The following SRPK2 variants were observed in gnomAD, a reference collection of about 807,000 sequenced individuals.
SRPK2 encodes the protein SRSF protein kinase 2.
In SRPK2, 21 loss-of-function variants were observed where a neutral mutation model predicts 90.8. That is an observed-to-expected ratio of 0.23 (90% CI 0.16 to 0.33). The LOEUF (loss-of-function observed/expected upper bound fraction) is 0.33. Ranked by LOEUF, SRPK2 falls within the 10% of genes least tolerant of loss-of-function variation. SRPK2 has a pLI of 1.00. For synonymous variants in SRPK2, 288 were observed against 311.1 expected, an observed-to-expected ratio of 0.93 and a Z score of 0.78; for missense variants, 620 against 869.0, an observed-to-expected ratio of 0.71 and a Z score of 3.60.
At chr7:105,391,242 G>A (rs1586037562), upstream of SRPK2, among the ~76,000 whole-genome samples, 1 of 151,128 alleles carries the variant, frequency 6.6e-6, no homozygotes, top group South Asian at 2.1e-4. Flanking sequence ...TTTCGCTCTT[G>A]TTGCCCAGGC....
intron 2 of SRPK2, among the ~76,000 whole-genome samples, chr7:105,214,276 T>C (rs974093784): frequency 2.0e-5 from 3 of 152,208 alleles, no homozygotes; most frequent in East Asian, 3.8e-4. Context: ...TTTTAATAAG[T>C]AGTAAGGTTA....
intron 2 of SRPK2, chr7:105,206,375 GT>G (rs1486171445): frequency 1.6e-5 from 3 of 182,756 alleles, no homozygotes; most frequent in Admixed American, 5.4e-5. Context: ...TCATTATAAT[GT>G]CTCTCTCACT....
intron 2 of SRPK2, among the ~76,000 whole-genome samples, chr7:105,299,404 C>G (rs1785782800): frequency 6.6e-6 from 1 of 152,102 alleles, no homozygotes; most frequent in African/African-American, 2.4e-5. Flanking sequence ...TTTTTAAGGT[C>G]TACCAAAAAT....
intron 2 of SRPK2, among the ~76,000 whole-genome samples, chr7:105,248,946 A>G (rs1025236487): frequency 6.6e-6 from 1 of 152,114 alleles, no homozygotes; most frequent in Non-Finnish European, 1.5e-5. Context: ...AAAAAATTCA[A>G]AGGTTAAACC....
intron 2 of SRPK2, among the ~76,000 whole-genome samples, chr7:105,252,747 CTTT>C (rs140386836): frequency 4.2e-4 from 54 of 130,084 alleles, no homozygotes; most frequent in Non-Finnish European, 5.1e-4. Flanking sequence ...TTTTTTTTTT[CTTT>C]TTTTTTTTTT....
At chr7:105,208,624 A>G (rs1315823113) in intron 2 of SRPK2, among the ~76,000 whole-genome samples, 1 of 152,158 alleles carries the variant, frequency 6.6e-6, no homozygotes, top group Non-Finnish European at 1.5e-5. Context: ...GGATGCTCAT[A>G]TCGGGGGTTG....
intron 2 of SRPK2, among the ~76,000 whole-genome samples, chr7:105,253,657 G>A (rs1212618159): frequency 6.6e-6 from 1 of 152,152 alleles, no homozygotes; most frequent in East Asian, 1.9e-4. Flanking sequence ...AGACTACACA[G>A]AGAGCACGCC....
intron 2 of SRPK2, among the ~76,000 whole-genome samples, chr7:105,344,236 T>C (rs1165385022): frequency 6.6e-6 from 1 of 152,054 alleles, no homozygotes; most frequent in African/African-American, 2.4e-5. Flanking sequence ...ACACAGACAA[T>C]ATGTAAACAA....
At chr7:105,379,087 T>C (rs1820634781) in intron 2 of SRPK2, among the ~76,000 whole-genome samples, 1 of 151,790 alleles carries the variant, frequency 6.6e-6, no homozygotes, top group African/African-American at 2.4e-5. Flanking sequence ...AGGCCAGGAA[T>C]TTGAGGTGGC....
chr7:105,364,315 A>G (rs953498658), intron 2 of SRPK2, among the ~76,000 whole-genome samples: 8 of 151,910 alleles, frequency 5.3e-5, no homozygotes, highest in African/African-American at 1.9e-4. Flanking sequence ...TGGTATCTTC[A>G]GTGGTACAAC....
intron 2 of SRPK2, among the ~76,000 whole-genome samples, chr7:105,289,511 A>C (rs1002718580): frequency 2.0e-5 from 3 of 152,202 alleles, no homozygotes; most frequent in African/African-American, 7.2e-5. Context: ...GCACTCTGGG[A>C]AGCTGCGGCA....
chr7:105,321,565 A>C (rs1812941722), intron 2 of SRPK2, among the ~76,000 whole-genome samples: 1 of 152,206 alleles, frequency 6.6e-6, no homozygotes, highest in African/African-American at 2.4e-5. Context: ...ATATTAACAA[A>C]TCTGATAGGG....
intron 2 of SRPK2, among the ~76,000 whole-genome samples, chr7:105,307,421 T>C (rs1450798959): frequency 6.6e-6 from 1 of 152,248 alleles, no homozygotes; most frequent in Non-Finnish European, 1.5e-5. Flanking sequence ...CTTAGTCTGT[T>C]AAGCTGGTGA....
chr7:105,185,322 T>C (rs1017375630), intron 3 of SRPK2, among the ~76,000 whole-genome samples: 6 of 151,816 alleles, frequency 4.0e-5, no homozygotes, highest in East Asian at 3.8e-4. Flanking sequence ...AATTTAACAA[T>C]TAAAATAACT....
intron 14 of SRPK2, 28 bp downstream of exon 14, chr7:105,126,965 G>T: frequency 6.2e-7 from 1 of 1,607,478 alleles, no homozygotes; most frequent in Non-Finnish European, 8.5e-7. Context: ...GACCTAGACC[G>T]AGGTATTCAG....
chr7:105,380,555 GCT>G (rs1820823900), intron 2 of SRPK2, among the ~76,000 whole-genome samples: 1 of 124,156 alleles, frequency 8.1e-6, no homozygotes, highest in Admixed American at 8.6e-5. Flanking sequence ...ATGGAGTCTC[GCT>G]CTGTCGCCCA....
intron 2 of SRPK2, 34 bp from the exon 3 acceptor site, chr7:105,203,819 A>G: frequency 1.3e-6 from 2 of 1,552,208 alleles, no homozygotes; most frequent in Non-Finnish European, 1.7e-6. Context: ...CTATTTACTT[A>G]GAAGTACATC....
At chr7:105,197,654 G>C (rs1047322037) in intron 3 of SRPK2, among the ~76,000 whole-genome samples, 3 of 152,180 alleles carry the variant, frequency 2.0e-5, no homozygotes, top group Non-Finnish European at 4.4e-5. Context: ...AGACTAGAGA[G>C]GGGGAGATAC....
At chr7:105,274,849 A>G (rs1448000186) in intron 2 of SRPK2, among the ~76,000 whole-genome samples, 1 of 151,548 alleles carries the variant, frequency 6.6e-6, no homozygotes, top group Admixed American at 6.6e-5. Flanking sequence ...GCAGCATCCA[A>G]TTAAAGCCTT....
Sources: allele counts gnomAD v4.1 joint callset (sites outside exome capture counted in the v4.1 genomes callset), GRCh38; gene constraint gnomAD v4.1.1; transcripts MANE v1.5; gene names NCBI Gene and HGNC (gene_info 2026-07-23, HGNC 2026-07-21).